The following COG7 variants were observed in gnomAD, a reference collection of about 807,000 sequenced individuals.
COG7 encodes the protein conserved oligomeric Golgi complex subunit 7.
Under a neutral mutation model 91.5 loss-of-function variants are expected in COG7, and 49 were observed. The observed-to-expected ratio is 0.54, with a 90% CI of 0.43 to 0.68. The LOEUF (loss-of-function observed/expected upper bound fraction) is 0.68. Among genes scored for constraint, COG7 ranks in the 30% least tolerant of loss-of-function variants. COG7 has a pLI of 0.00. For synonymous variants in COG7, 365 were observed against 388.7 expected, an observed-to-expected ratio of 0.94 and a Z score of 0.72; for missense variants, 895 against 961.3, an observed-to-expected ratio of 0.93 and a Z score of 0.91.
intron 12 of COG7, among the ~76,000 whole-genome samples, chr16:23,404,267 A>G (rs995239747): frequency 6.6e-6 from 1 of 152,268 alleles, no homozygotes; most frequent in African/African-American, 2.4e-5. Flanking sequence ...CAGGTCAAAT[A>G]TACTTGGCTG....
chr16:23,445,936 G>T lies in COG7; in HGVS notation c.195C>A (p.Asn65Lys), dbSNP rs768576373. ...VEETSHQALQ[N>K]MPKVLRDVEA... ...CAACATCACGGAGCACTTTGGGCAT[G>T]TTCTGGAGAGCTTGGTGACTTGTTT... Residue 65 changes from asparagine (N) to lysine (K), a missense_variant, in exon 2 of 17, where the codon AAC becomes AAA. Coordinates refer to ENST00000307149, the MANE Select transcript of COG7 (RefSeq NM_153603.4). The T allele has an allele frequency of 6.3e-7, 1 of 1,578,958 alleles. No homozygotes were observed.
At chr16:23,412,150 G>A (rs1259444108) in intron 10 of COG7, among the ~76,000 whole-genome samples, 1 of 152,140 alleles carries the variant, frequency 6.6e-6, no homozygotes, top group Non-Finnish European at 1.5e-5. Flanking sequence ...CAAAGTGCTG[G>A]GATTACAGGT....
intron 8 of COG7, among the ~76,000 whole-genome samples, chr16:23,418,041 A>T (rs1596930744): frequency 6.6e-6 from 1 of 152,328 alleles, no homozygotes; most frequent in African/African-American, 2.4e-5. Context: ...AGCATAGTGA[A>T]CCTGCCCCTG....
chr16:23,401,949 C>T (rs901701900), intron 13 of COG7, among the ~76,000 whole-genome samples: 7 of 151,992 alleles, frequency 4.6e-5, no homozygotes, highest in South Asian at 2.1e-4. Context: ...CCCAGCTACT[C>T]GAGAAGCTGA....
In COG7 at chr16:23,424,897, C is replaced by T; in HGVS notation, c.861G>A (p.Leu287=). 6.2e-7 allele frequency: 1 copy of T among 1,613,998 alleles called. No individual in the cohort carries two copies. Among genetic ancestry groups the T allele is most frequent in the Non-Finnish European group, 8.5e-7 (1 of 1,179,950 alleles). The change falls in exon 7 of 17, where the codon CTG becomes CTA. Residue 287 remains leucine (L), a synonymous_variant. Transcript: ENST00000307149. ...AGGGCAGCGAGGGCATGAGGGCCCC[C>T]AGGGTCTGAATCAGCAGCACCATTA... ...EVVMVLLIQT[L]GALMPSLPSC... is the part of the protein sequence containing the mutation.
intron 1 of COG7, chr16:23,447,389 T>G (rs1964198238): frequency 6.6e-6 from 1 of 151,272 alleles, no homozygotes; most frequent in African/African-American, 2.4e-5. Context: ...TTTTATATTT[T>G]TAGTAGAGAC....
At position 23,418,813 on chromosome 16, in the gene COG7, C is replaced by T; in HGVS notation, c.1024G>A (p.Val342Ile). The T allele has an allele frequency of 6.2e-7, 1 of 1,613,598 alleles. No homozygotes were observed. The highest frequency in any genetic ancestry group is 8.5e-7 in the Non-Finnish European group (1 of 1,179,542). The change falls in exon 8 of 17, where the codon GTA becomes ATA. Residue 342 changes from valine to isoleucine, a missense_variant. By Grantham distance (29) the Val-to-Ile change is conservative (BLOSUM62 3). Transcript: ENST00000307149. ...GCATCCACCAGCTCCGTGACTTTTA[C>T]CAGATTGTGTTCATCTTTAGGGAAT... ...LLPHLHEHNL[V>I]KVTELVDAVY...
intron 7 of COG7, among the ~76,000 whole-genome samples, chr16:23,424,495 G>C (rs1963812026): frequency 6.6e-6 from 1 of 152,078 alleles, no homozygotes; most frequent in South Asian, 2.1e-4. Flanking sequence ...GCCCCACAGA[G>C]GTGTCCATCA....
intron 10 of COG7, among the ~76,000 whole-genome samples, 191 bp from the exon 11 acceptor site, chr16:23,410,551 G>A (rs549454963): frequency 6.6e-6 from 1 of 152,178 alleles, no homozygotes; most frequent in South Asian, 2.1e-4. Context: ...GAAAATGCTG[G>A]TCCCTTCCAA....
At chr16:23,406,517 A>G (rs1209926660) in intron 11 of COG7, among the ~76,000 whole-genome samples, 1 of 152,150 alleles carries the variant, frequency 6.6e-6, no homozygotes, top group Non-Finnish European at 1.5e-5. Context: ...TATCTCCCTA[A>G]TATGACCGAC....
At chr16:23,427,040 G>A (rs997582779) in intron 6 of COG7, among the ~76,000 whole-genome samples, 1 of 152,054 alleles carries the variant, frequency 6.6e-6, no homozygotes, top group Non-Finnish European at 1.5e-5. Flanking sequence ...CTTGAGCCTA[G>A]GAGTTTGAGA....
At position 23,452,994 on chromosome 16, in the gene COG7, TGGCGG is replaced by T. The variant is rs1432777570; in HGVS notation, c.-5_-1del. ...TCTGCCAGGAACTTGGAGAAGTCCA[TGGCGG>T]AACTGCCTCAGGCCTGGCGTCCAGA... On this transcript the variant is annotated 5_prime_UTR_variant, in exon 1 of 17. Coordinates refer to ENST00000307149, the MANE Select transcript of COG7 (RefSeq NM_153603.4). 3 of 1,614,080 alleles carry T rather than the reference TGGCGG, an allele frequency of 1.9e-6. No homozygotes were observed. In the Admixed American group the frequency reaches 5.0e-5, roughly 27 times the overall value.
chr16:23,443,870 G>A (rs1596956396), intron 3 of COG7, among the ~76,000 whole-genome samples: 2 of 151,810 alleles, frequency 1.3e-5, no homozygotes, highest in East Asian at 1.9e-4. Context: ...ATTAGCCCCC[G>A]GCCGGGCATG....
At chr16:23,446,132 T>C (rs1025983148) in intron 1 of COG7, among the ~76,000 whole-genome samples, 171 bp from the exon 2 acceptor site, 1 of 152,118 alleles carries the variant, frequency 6.6e-6, no homozygotes, top group Admixed American at 6.6e-5. Context: ...GGAGAGGAGA[T>C]GGGCAGTGAG....
chr16:23,428,211 T>C (rs1963879203), intron 6 of COG7, among the ~76,000 whole-genome samples: 1 of 151,742 alleles, frequency 6.6e-6, no homozygotes, highest in African/African-American at 2.4e-5. Context: ...TAGCTGGGCA[T>C]GGTGGCACAT....
At chr16:23,428,696 T>C (rs1375438055) in intron 6 of COG7, among the ~76,000 whole-genome samples, 3 of 149,966 alleles carry the variant, frequency 2.0e-5, no homozygotes, top group Non-Finnish European at 3.0e-5. Flanking sequence ...TCTTTTCTTT[T>C]TTTTTTTTTT....
chr16:23,447,735 A>G (rs1964204370), intron 1 of COG7, among the ~76,000 whole-genome samples: 1 of 151,672 alleles, frequency 6.6e-6, no homozygotes, highest in Non-Finnish European at 1.5e-5. Context: ...CCCTGTCTCT[A>G]CTAAAAATAC....
chr16:23,394,019 G>A (rs1379627721), intron 14 of COG7, among the ~76,000 whole-genome samples: 5 of 150,538 alleles, frequency 3.3e-5, no homozygotes, highest in Middle Eastern at 3.4e-3. Flanking sequence ...CTGCAGCCTG[G>A]GCAGACTCTG....
At chr16:23,417,645 A>G (rs1428995991) in intron 8 of COG7, among the ~76,000 whole-genome samples, 1 of 152,050 alleles carries the variant, frequency 6.6e-6, no homozygotes, top group Non-Finnish European at 1.5e-5. Flanking sequence ...TGTAGTCCCA[A>G]CTACTGGGAA....
Sources: allele counts gnomAD v4.1 joint callset (sites outside exome capture counted in the v4.1 genomes callset), GRCh38; gene constraint gnomAD v4.1.1; transcripts MANE v1.5; gene names NCBI Gene and HGNC (gene_info 2026-07-23, HGNC 2026-07-21).